Variants in TRAF5 observed in about 807,000 individuals in gnomAD.
TRAF5 encodes TNF receptor-associated factor 5.
A neutral mutation model predicts 64.5 loss-of-function variants in TRAF5; 48 were observed. That is an observed-to-expected ratio of 0.74 (90% CI 0.59 to 0.95). The LOEUF (loss-of-function observed/expected upper bound fraction) is 0.95. TRAF5 is among the 40% of genes least tolerant of loss of function. The pLI, the probability that TRAF5 is intolerant of heterozygous loss-of-function variation, is 0.00. For missense variants in TRAF5, 545 were observed against 662.8 expected, an observed-to-expected ratio of 0.82 and a Z score of 1.95; for synonymous variants, 206 against 240.5, an observed-to-expected ratio of 0.86 and a Z score of 1.33.
At chr1:211,346,386 T>A in intron 1 of TRAF5, 2 of 985,326 alleles carry the variant, frequency 2.0e-6, no homozygotes, top group Non-Finnish European at 2.4e-6. Flanking sequence ...TGCAGATGAG[T>A]GGGCTGTGGG....
intron 7 of TRAF5, among the ~76,000 whole-genome samples, chr1:211,364,010 G>T (rs1240079897): frequency 6.6e-6 from 1 of 151,420 alleles, no homozygotes; most frequent in Non-Finnish European, 1.5e-5. Context: ...TCTAGAACTT[G>T]CCTCAGCACC....
intron 4 of TRAF5, 57 bp downstream of exon 4, chr1:211,356,525 G>A (rs747333194): frequency 1.7e-5 from 25 of 1,469,524 alleles, no homozygotes; most frequent in Non-Finnish European, 2.4e-5. Context: ...AATGTGTGTT[G>A]AACCCCTTTA....
At chr1:211,346,560 G>A in intron 1 of TRAF5, 1 of 386,292 alleles carries the variant, frequency 2.6e-6, no homozygotes, top group Non-Finnish European at 3.5e-6. Context: ...TATGTCTTAT[G>A]CACTATAACA....
In TRAF5 at chr1:211,374,137, T is replaced by A. The variant is rs1703621268; in HGVS notation, c.*1435T>A. 1 of 152,202 alleles carries A rather than the reference T, an allele frequency of 6.6e-6. No homozygotes were observed. 9.4% of individuals were successfully genotyped at this position (152,202 alleles called of 1,614,324 possible). ...AGTACTCTGTGAAGAACAGAAATGA[T>A]CATATTCTTATGCATCTATCTGTAT... On this transcript the variant is annotated 3_prime_UTR_variant, in exon 11 of 11. Coordinates refer to ENST00000261464, the MANE Select transcript of TRAF5 (RefSeq NM_001033910.3).
rs1703609633 is a variant in TRAF5, at chr1:211,373,713, G to A, written c.*1011G>A. ...GAAGTACTCTCAGCGAAAACTGATGGCTAAAACAGTATCTACTATTCTCTG... is the reference window on the plus strand; with the variant it reads ...GAAGTACTCTCAGCGAAAACTGATGACTAAAACAGTATCTACTATTCTCTG... On this transcript the variant is annotated 3_prime_UTR_variant, in exon 11 of 11. Transcript: ENST00000261464. The A allele has an allele frequency of 6.6e-6, 1 of 152,216 alleles. No individual in the cohort carries two copies. The highest frequency in any genetic ancestry group is 2.4e-5 in the African/African-American group (1 of 41,522). The allele number at this position is 152,216 out of a possible 1,614,324, so 9.4% of individuals were successfully genotyped here. A position where few individuals can be genotyped will look rare whatever the true frequency, so the allele number is the denominator to read the frequency against.
intron 8 of TRAF5, 47 bp downstream of exon 8, chr1:211,365,515 G>A: frequency 7.0e-7 from 1 of 1,435,540 alleles, no homozygotes; most frequent in Non-Finnish European, 9.7e-7. Flanking sequence ...CAGAATTGCT[G>A]GGATTTACCT....
chr1:211,328,305 GT>G (rs1471641898), intron 1 of TRAF5, among the ~76,000 whole-genome samples: 1 of 152,202 alleles, frequency 6.6e-6, no homozygotes, highest in Non-Finnish European at 1.5e-5. Context: ...TTCTGTAAAG[GT>G]TTTTGATTTT....
intron 4 of TRAF5, chr1:211,357,429 A>T (rs1319659930): frequency 6.6e-6 from 1 of 152,226 alleles, no homozygotes; most frequent in Admixed American, 6.5e-5. Flanking sequence ...CGAGTCCTAG[A>T]GCAAGGCCTT....
At chr1:211,347,923 G>C (rs542334508) in intron 1 of TRAF5, among the ~76,000 whole-genome samples, 1 of 152,356 alleles carries the variant, frequency 6.6e-6, no homozygotes, top group Non-Finnish European at 1.5e-5. Flanking sequence ...CATAGTGGAA[G>C]TGTTTAACCA....
chr1:211,370,079 C>T (rs1703474640), intron 9 of TRAF5, among the ~76,000 whole-genome samples: 1 of 152,084 alleles, frequency 6.6e-6, no homozygotes. Flanking sequence ...CACTTGATTG[C>T]AGATTCATTG....
In TRAF5 at chr1:211,360,895, T is replaced by C. The variant is rs1031449069; in HGVS notation, c.621+116T>C. ...GGGCCCAGGGCTTAAATTACACGCA[T>C]GACCATGACGTATCTGTCTTCCCTT... On this transcript the variant is annotated intron_variant, in intron 6 of 10. Transcript: ENST00000261464. 1.6e-5 allele frequency: 17 copies of C among 1,033,218 alleles called. No individual in the cohort carries two copies. In the African/African-American group the frequency reaches 2.2e-4, roughly 14 times the overall value. 64.0% of individuals were successfully genotyped at this position (1,033,218 alleles called of 1,614,324 possible).
At chr1:211,335,487 C>T (rs757653754) in intron 1 of TRAF5, among the ~76,000 whole-genome samples, 19 of 152,180 alleles carry the variant, frequency 1.2e-4, no homozygotes, top group Non-Finnish European at 2.1e-4. Flanking sequence ...CTGCTTTCTT[C>T]GTGCTGGGGA....
chr1:211,340,935 T>C (rs1187785779), intron 1 of TRAF5, among the ~76,000 whole-genome samples: 3 of 152,204 alleles, frequency 2.0e-5, no homozygotes, highest in Admixed American at 1.3e-4. Context: ...TGCTGGACTT[T>C]GTCACCCCCA....
At chr1:211,343,695 A>T (rs1298057099) in intron 1 of TRAF5, among the ~76,000 whole-genome samples, 5 of 151,920 alleles carry the variant, frequency 3.3e-5, no homozygotes, top group African/African-American at 1.2e-4. Flanking sequence ...GGCTCCATTC[A>T]CTTCTTTTAA....
rs1439224674 is a variant in TRAF5 at position 211,372,333 on chromosome 1, CA to C, written c.1306del (p.Ser436AlafsTer13). 3.1e-6 allele frequency: 5 copies of C among 1,613,990 alleles called. No individual in the cohort carries two copies. The highest frequency in any genetic ancestry group is 1.3e-5 in the African/African-American group (1 of 74,898). On this transcript the variant is annotated frameshift_variant, in exon 11 of 11. Coordinates refer to ENST00000261464, the MANE Select transcript of TRAF5 (RefSeq NM_001033910.3). LOFTEE classifies it high-confidence loss of function. The stretch of plus-strand genomic sequence containing the variant: ...CCATCTTCAGCCAGTCCTTCTACAC[CA>C]GCCGCTGTGGCTACCGGCTCTGTGC... Reference protein sequence around the residue: ...VSIFSQSFYTSRCGYRLCARA... With the variant: ...VSIFSQSFYTXRCGYRLCARA...
intron 1 of TRAF5, among the ~76,000 whole-genome samples, chr1:211,335,797 A>T (rs1422585957): frequency 2.0e-5 from 3 of 152,188 alleles, no homozygotes; most frequent in Admixed American, 1.3e-4. Context: ...CTCTGTTCAT[A>T]TGAGGAGTGG....
At chr1:211,368,912 T>C (rs1268273851) in intron 8 of TRAF5, 2 of 152,268 alleles carry the variant, frequency 1.3e-5, no homozygotes, top group African/African-American at 4.8e-5. Context: ...AAGGGTATGA[T>C]AGACAGTCAG....
chr1:211,342,657 C>T (rs1702480356), intron 1 of TRAF5, among the ~76,000 whole-genome samples: 1 of 152,190 alleles, frequency 6.6e-6, no homozygotes, highest in Non-Finnish European at 1.5e-5. Flanking sequence ...CACCCCACAA[C>T]TACCCTTCCC....
intron 10 of TRAF5, 29 bp from the exon 11 acceptor site, chr1:211,372,098 AT>A: frequency 1.5e-6 from 2 of 1,314,616 alleles, no homozygotes; most frequent in Non-Finnish European, 2.1e-6. Flanking sequence ...GGCCTATGGA[AT>A]CTTTTTTTTT....
Sources: allele counts gnomAD v4.1 joint callset (sites outside exome capture counted in the v4.1 genomes callset), GRCh38; gene constraint gnomAD v4.1.1; transcripts MANE v1.5; gene names NCBI Gene and HGNC (gene_info 2026-07-23, HGNC 2026-07-21).